CUL3: variants seen among roughly 807,000 people sequenced by gnomAD.
CUL3 encodes cullin-3.
CUL3 carries 19 observed loss-of-function variants against 89.1 expected under a neutral mutation model. The ratio of observed to expected loss-of-function variants is 0.21; its 90% confidence interval spans 0.15 to 0.31. The LOEUF is 0.31. Ranked by LOEUF, CUL3 falls within the 10% of genes least tolerant of loss-of-function variation. The pLI, the probability that CUL3 is intolerant of heterozygous loss-of-function variation, is 1.00. For missense variants in CUL3, 469 were observed against 942.3 expected, an observed-to-expected ratio of 0.50 and a Z score of 6.58; for synonymous variants, 351 against 308.4, an observed-to-expected ratio of 1.14 and a Z score of -1.45.
At position 224,522,963 on chromosome 2, in the gene CUL3, A is replaced by G. The variant is rs146669211; in HGVS notation, c.379-8191T>C. On this transcript the variant is annotated intron_variant, in intron 3 of 15. Coordinates refer to ENST00000264414, the MANE Select transcript of CUL3 (RefSeq NM_003590.5). ...GGACAAATCAAACCCATGTTTCTCT[A>G]AAGTTGTGTAAACTGCAATAAATCA... 2.0e-3 allele frequency among the ~76,000 whole-genome samples: 311 copies of G among 152,346 alleles called. 1 individual carries two copies. The highest frequency in any genetic ancestry group is 3.4e-3 in the Middle Eastern group (1 of 294).
chr2:224,527,549 C>G (rs1008530410), intron 3 of CUL3, among the ~76,000 whole-genome samples: 32 of 152,210 alleles, frequency 2.1e-4, no homozygotes, highest in Non-Finnish European at 1.2e-4. Context: ...AATGAGCAAT[C>G]TGACACACTC....
In CUL3 at chr2:224,511,511, A is replaced by G; in HGVS notation, c.726T>C (p.Asn242=). ...AGTGCATCACTCGTTCTATTTCTTC[A>G]TTAATTCTAGCTTCTACTTTCTTTA... is the stretch of plus-strand genomic sequence containing the variant. ...VYIKKVEARI[N]EEIERVMHCL... is the part of the protein sequence containing the mutation. Residue 242 remains asparagine, a synonymous_variant, in exon 6 of 16, where the codon AAT becomes AAC. Transcript: ENST00000264414. The G allele has an allele frequency of 6.2e-7, 1 of 1,613,776 alleles. No individual in the cohort carries two copies. Among genetic ancestry groups the G allele is most frequent in the South Asian group, 1.1e-5 (1 of 91,068 alleles).
At chr2:224,476,007 A>G (rs1013803695) in intron 15 of CUL3, among the ~76,000 whole-genome samples, 1 of 150,954 alleles carries the variant, frequency 6.6e-6, no homozygotes, top group Non-Finnish European at 1.5e-5. Flanking sequence ...ACACAGTCAC[A>G]TGTATTTATT....
intron 1 of CUL3, among the ~76,000 whole-genome samples, chr2:224,581,061 A>G (rs781309702): frequency 5.9e-5 from 9 of 152,190 alleles, no homozygotes; most frequent in Admixed American, 1.3e-4. Context: ...TACATTTGCT[A>G]TGGCAGTAGA....
chr2:224,517,573 T>G (rs951204165), intron 3 of CUL3, among the ~76,000 whole-genome samples: 5 of 152,164 alleles, frequency 3.3e-5, no homozygotes, highest in Non-Finnish European at 7.3e-5. Context: ...CTCGGGAGGC[T>G]GAGGCAGAAC....
chr2:224,508,961 C>CAAA (rs3081932), intron 6 of CUL3, among the ~76,000 whole-genome samples: 3 of 112,892 alleles, frequency 2.7e-5, no homozygotes, highest in African/African-American at 3.9e-5. Flanking sequence ...GACTTCGTCT[C>CAAA]AAAAAAAAAA....
chr2:224,573,304 G>A (rs1006887121), intron 1 of CUL3, among the ~76,000 whole-genome samples: 2 of 151,886 alleles, frequency 1.3e-5, no homozygotes, highest in African/African-American at 4.8e-5. Flanking sequence ...AATGTGTGTC[G>A]TCGGCCTTAC....
intron 8 of CUL3, among the ~76,000 whole-genome samples, chr2:224,505,388 C>T (rs537157589): frequency 2.0e-5 from 3 of 152,082 alleles, no homozygotes; most frequent in Admixed American, 6.5e-5. Flanking sequence ...CTGCCCACCT[C>T]GGCCTCCCAA....
At chr2:224,527,891 A>T (rs1693536920) in intron 3 of CUL3, among the ~76,000 whole-genome samples, 1 of 152,214 alleles carries the variant, frequency 6.6e-6, no homozygotes, top group Non-Finnish European at 1.5e-5. Context: ...CCCAAGAGGG[A>T]AAATTCTATC....
At chr2:224,494,868 A>G (rs1001962420) in intron 13 of CUL3, 1 of 152,206 alleles carries the variant, frequency 6.6e-6, no homozygotes, top group African/African-American at 2.4e-5. Flanking sequence ...CACAAACTAC[A>G]AAAAGCAAAG....
intron 2 of CUL3, among the ~76,000 whole-genome samples, chr2:224,556,855 CA>C (rs145709722): frequency 0.015 from 2,288 of 151,184 alleles, 59 homozygotes; most frequent in African/African-American, 0.052. Flanking sequence ...GAAAAACTGG[CA>C]AAAAAAATGT....
chr2:224,487,236 C>T (rs1396607675), intron 13 of CUL3, among the ~76,000 whole-genome samples: 3 of 152,076 alleles, frequency 2.0e-5, no homozygotes, highest in African/African-American at 7.2e-5. Context: ...TAGCTAACAT[C>T]ATAATGACAG....
chr2:224,530,505 T>C (rs1183122554), intron 3 of CUL3, among the ~76,000 whole-genome samples: 1 of 152,216 alleles, frequency 6.6e-6, no homozygotes, highest in Non-Finnish European at 1.5e-5. Context: ...ATTAAAAGCA[T>C]ATTTTATCTT....
At chr2:224,536,141 T>C (rs1300904578) in intron 2 of CUL3, among the ~76,000 whole-genome samples, 1 of 152,126 alleles carries the variant, frequency 6.6e-6, no homozygotes, top group African/African-American at 2.4e-5. Flanking sequence ...TGAAATAGCA[T>C]TCTTCTTGTA....
rs569418733 is a variant in CUL3, at chr2:224,504,111, G to A, written c.1207-289C>T. 7 of 227,376 alleles carry A rather than the reference G, an allele frequency of 3.1e-5. No individual in the cohort carries two copies. The Admixed American group carries it at 3.3e-4, about 11-fold the overall frequency. 14.1% of individuals were successfully genotyped at this position (227,376 alleles called of 1,614,324 possible). On this transcript the variant is annotated intron_variant, in intron 8 of 15. Coordinates refer to ENST00000264414, the MANE Select transcript of CUL3 (RefSeq NM_003590.5). ...GTAATATAGCGCTGGGTTAAGGGAT[G>A]ATTGAGAACAGATGAAATGAAATTT...
intron 6 of CUL3, among the ~76,000 whole-genome samples, chr2:224,509,008 G>A (rs1033845500): frequency 6.6e-6 from 1 of 150,448 alleles, no homozygotes; most frequent in Non-Finnish European, 1.5e-5. Context: ...AGTGCTATCT[G>A]CATCTAATAA....
At chr2:224,530,971 A>C (rs531035844) in intron 3 of CUL3, among the ~76,000 whole-genome samples, 4 of 152,322 alleles carry the variant, frequency 2.6e-5, no homozygotes, top group Admixed American at 6.5e-5. Flanking sequence ...ATTTTAATTA[A>C]GCCTAGAACA....
intron 1 of CUL3, among the ~76,000 whole-genome samples, chr2:224,575,576 A>G (rs1452610581): frequency 6.6e-6 from 1 of 152,220 alleles, no homozygotes; most frequent in Non-Finnish European, 1.5e-5. Context: ...AAGATAGAAT[A>G]ATTAAATAAT....
intron 10 of CUL3, 151 bp from the exon 11 acceptor site, chr2:224,500,638 T>C: frequency 1.3e-6 from 1 of 773,626 alleles, no homozygotes; most frequent in East Asian, 3.2e-5. Context: ...TTTTTTTTTT[T>C]TTTTTTGAGA....
Sources: gnomAD v4.1 joint callset for allele counts (sites outside exome capture counted in the v4.1 genomes callset) on GRCh38, gnomAD v4.1.1 for gene constraint, MANE v1.5 for transcripts, NCBI Gene and HGNC (gene_info 2026-07-23, HGNC 2026-07-21) for gene names.